Variants in TPX2 observed in about 807,000 individuals in gnomAD.
TPX2 encodes TPX2 microtubule nucleation factor, also known as targeting protein for Xklp2.
In TPX2, 21 loss-of-function variants were observed where a neutral mutation model predicts 93.6. The observed-to-expected ratio is 0.22, with a 90% CI of 0.16 to 0.32. The LOEUF is 0.32. TPX2 is among the 10% of genes least tolerant of loss of function. The pLI is 1.00. For missense variants in TPX2, 776 were observed against 871.1 expected, an observed-to-expected ratio of 0.89 and a Z score of 1.37; for synonymous variants, 281 against 298.3, an observed-to-expected ratio of 0.94 and a Z score of 0.60.
Position 31,798,477 on chromosome 20 carries a change from C to A in TPX2, c.2058C>A (p.Ala686=). 1 of 1,613,666 alleles carries A rather than the reference C, an allele frequency of 6.2e-7. No individual in the cohort carries two copies. Among genetic ancestry groups the A allele is most frequent in the Non-Finnish European group, 8.5e-7 (1 of 1,180,016 alleles). ...TGGCTGAGGTAGAAGCCCAGAAAGC[C>A]CAGCAGTTGGAGGAGGCCAGACTAC... ...KRMAEVEAQK[A]QQLEEARLQE... is the part of the protein sequence containing the mutation. Residue 686 remains alanine, a synonymous_variant, in exon 17 of 18, where the codon GCC becomes GCA. Coordinates refer to ENST00000300403, the MANE Select transcript of TPX2 (RefSeq NM_012112.5).
At position 31,762,867 on chromosome 20, in the gene TPX2, C is replaced by T. The variant is rs576919599; in HGVS notation, c.229+2688C>T. On this transcript the variant is annotated intron_variant, in intron 4 of 17. Coordinates refer to ENST00000300403, the MANE Select transcript of TPX2 (RefSeq NM_012112.5). ...TATTGCCTAGGCTTGTCTCAGAATT[C>T]CTGGGCTTAAACAATCCTACCACTT... is the stretch of plus-strand genomic sequence containing the variant. Among the ~76,000 whole-genome samples, 6 of 152,138 alleles carry T rather than the reference C, an allele frequency of 3.9e-5. 1 individual carries two copies. The highest frequency in any genetic ancestry group is 2.4e-5 in the African/African-American group (1 of 41,516).
intron 12 of TPX2, among the ~76,000 whole-genome samples, chr20:31,791,542 C>T (rs541160788): frequency 2.0e-5 from 3 of 152,178 alleles, no homozygotes; most frequent in Non-Finnish European, 4.4e-5. Flanking sequence ...CCTCTGCCTC[C>T]CAAAGTGCTG....
At chr20:31,759,825 T>C (rs573778858) in intron 3 of TPX2, among the ~76,000 whole-genome samples, 2 of 152,142 alleles carry the variant, frequency 1.3e-5, no homozygotes, top group South Asian at 2.1e-4. Context: ...ATCTGTACTT[T>C]TCCTTTTTTA....
chr20:31,784,071 T>A, intron 12 of TPX2, 150 bp downstream of exon 12: 2 of 834,184 alleles, frequency 2.4e-6, no homozygotes, highest in Non-Finnish European at 1.9e-6. Context: ...TGGATTTTGC[T>A]TTTAGTTAAC....
At chr20:31,757,778 C>A (rs2061860962) in intron 3 of TPX2, among the ~76,000 whole-genome samples, 196 bp downstream of exon 3, 1 of 152,168 alleles carries the variant, frequency 6.6e-6, no homozygotes, top group Non-Finnish European at 1.5e-5. Flanking sequence ...AAGTACAAAG[C>A]ATATGTTGTT....
At chr20:31,747,136 TG>T (rs1300593037) in intron 2 of TPX2, among the ~76,000 whole-genome samples, 2 of 152,160 alleles carry the variant, frequency 1.3e-5, no homozygotes, top group African/African-American at 4.8e-5. Flanking sequence ...TTGTTGTTGT[TG>T]TTTGAGAAGG....
chr20:31,747,153 C>T (rs965992324), intron 2 of TPX2, among the ~76,000 whole-genome samples: 6 of 152,258 alleles, frequency 3.9e-5, no homozygotes, highest in African/African-American at 1.2e-4. Context: ...GAAGGAGTCT[C>T]GCTCTGTCCC....
intron 17 of TPX2, 36 bp from the exon 18 acceptor site, chr20:31,800,934 C>T (rs1193177735): frequency 1.3e-6 from 2 of 1,492,650 alleles, no homozygotes; most frequent in Non-Finnish European, 1.9e-6. Flanking sequence ...AGTTCTCTGA[C>T]ATCCCTCTCA....
chr20:31,779,967 G>C (rs895579096), intron 10 of TPX2, among the ~76,000 whole-genome samples: 15 of 152,170 alleles, frequency 9.9e-5, no homozygotes, highest in Admixed American at 9.2e-4. Flanking sequence ...ATAGTTGTTG[G>C]GAGTATAGGG....
At chr20:31,759,145 G>A (rs1319176502) in intron 3 of TPX2, among the ~76,000 whole-genome samples, 1 of 152,006 alleles carries the variant, frequency 6.6e-6, no homozygotes, top group Admixed American at 6.6e-5. Flanking sequence ...ACATGCACAG[G>A]GTAGTTATTG....
At chr20:31,797,968 A>G (rs1381727353) in intron 16 of TPX2, among the ~76,000 whole-genome samples, 1 of 152,166 alleles carries the variant, frequency 6.6e-6, no homozygotes, top group East Asian at 1.9e-4. Flanking sequence ...AGGCCCGGAC[A>G]GGAGGATCAC....
At chr20:31,797,254 T>G in intron 15 of TPX2, 150 bp from the exon 16 acceptor site, 1 of 657,988 alleles carries the variant, frequency 1.5e-6, no homozygotes, top group East Asian at 2.7e-5. Context: ...CTGTTCATTG[T>G]AAAGTTTGTG....
chr20:31,787,901 T>C (rs1322025267), intron 12 of TPX2, among the ~76,000 whole-genome samples: 6 of 151,974 alleles, frequency 3.9e-5, no homozygotes, highest in African/African-American at 1.5e-4. Flanking sequence ...AACAGAACTG[T>C]TTTAGGGTGA....
chr20:31,779,918 A>G (rs1262689076), intron 10 of TPX2, among the ~76,000 whole-genome samples: 1 of 152,228 alleles, frequency 6.6e-6, no homozygotes, highest in Admixed American at 6.5e-5. Flanking sequence ...AATTTCTGCA[A>G]GAAGGAAGAT....
intron 10 of TPX2, chr20:31,780,906 T>C: frequency 2.5e-6 from 1 of 393,848 alleles, no homozygotes; most frequent in Non-Finnish European, 4.9e-6. Flanking sequence ...TATTTATTTA[T>C]TTATTTATTT....
intron 1 of TPX2, among the ~76,000 whole-genome samples, chr20:31,740,298 C>A (rs2061746425): frequency 6.6e-6 from 1 of 152,192 alleles, no homozygotes; most frequent in Non-Finnish European, 1.5e-5. Context: ...TGGTTTACTT[C>A]CTGCTTCACC....
At position 31,798,891 on chromosome 20, in the gene TPX2, G is replaced by A. The variant is rs1035153264; in HGVS notation, c.2133+339G>A. ...TGAATTTTTAGACAGAATTTCTTCCGGAAGTTTTCATAAGGAGGACAACAT... is the reference window on the plus strand; with the variant it reads ...TGAATTTTTAGACAGAATTTCTTCCAGAAGTTTTCATAAGGAGGACAACAT... On this transcript the variant is annotated intron_variant, in intron 17 of 17. Coordinates refer to ENST00000300403, the MANE Select transcript of TPX2 (RefSeq NM_012112.5). Among the ~76,000 whole-genome samples, 7 of 152,202 alleles carry A rather than the reference G, an allele frequency of 4.6e-5. No homozygotes were observed. In the South Asian group the frequency reaches 8.3e-4, roughly 18 times the overall value.
chr20:31,793,977 C>T lies in TPX2; in HGVS notation c.1639C>T (p.Arg547Cys), dbSNP rs530216322. The change falls in exon 14 of 18, where the codon CGT (arginine) becomes TGT (cysteine). Residue 547 changes from arginine to cysteine, a missense_variant. Arg to Cys is a radical substitution (Grantham distance 180, BLOSUM62 -3). Coordinates refer to ENST00000300403, the MANE Select transcript of TPX2 (RefSeq NM_012112.5). ...CTCGTTTGATTCTCGAGACAAAGAACGTCAGTTACAGAAGGAGAAGAAAAT... is the reference window on the plus strand; with the variant it reads ...CTCGTTTGATTCTCGAGACAAAGAATGTCAGTTACAGAAGGAGAAGAAAAT... The part of the protein sequence containing the change: ...PFSFDSRDKE[R>C]QLQKEKKIKE... The T allele has an allele frequency of 7.4e-6, 12 of 1,613,164 alleles. No homozygotes were observed. The highest frequency in any genetic ancestry group is 1.1e-5 in the South Asian group (1 of 91,000).
At chr20:31,762,217 A>G (rs1249461966) in intron 4 of TPX2, among the ~76,000 whole-genome samples, 2 of 152,216 alleles carry the variant, frequency 1.3e-5, no homozygotes, top group Non-Finnish European at 2.9e-5. Context: ...TCTGCTGTGC[A>G]GAAAGTTTTA....
Sources: gnomAD v4.1 joint callset for allele counts (sites outside exome capture counted in the v4.1 genomes callset) on GRCh38, gnomAD v4.1.1 for gene constraint, MANE v1.5 for transcripts, NCBI Gene and HGNC (gene_info 2026-07-23, HGNC 2026-07-21) for gene names.